The following PTPN12 variants were observed in gnomAD, a reference collection of about 807,000 sequenced individuals.
PTPN12 encodes protein tyrosine phosphatase non-receptor type 12.
PTPN12 carries 29 observed loss-of-function variants against 97.6 expected under a neutral mutation model. That is an observed-to-expected ratio of 0.30 (90% confidence interval 0.22 to 0.41). The LOEUF (loss-of-function observed/expected upper bound fraction) is 0.41. Ranked by LOEUF, PTPN12 falls within the 10% of genes least tolerant of loss-of-function variation. The probability of loss-of-function intolerance (pLI) is 1.00; values close to 1 mark genes in which losing one functional copy is unlikely to be tolerated. For missense variants in PTPN12, 819 were observed against 926.0 expected, an observed-to-expected ratio of 0.88 and a Z score of 1.50; for synonymous variants, 327 against 300.4, an observed-to-expected ratio of 1.09 and a Z score of -0.91.
chr7:77,580,987 G>A (rs890101930), intron 2 of PTPN12, among the ~76,000 whole-genome samples: 1 of 152,156 alleles, frequency 6.6e-6, no homozygotes, highest in African/African-American at 2.4e-5. Flanking sequence ...TTCCAGAGAT[G>A]ATTCTTATTG....
intron 6 of PTPN12, among the ~76,000 whole-genome samples, chr7:77,594,230 G>A (rs1481424228): frequency 3.3e-5 from 5 of 152,156 alleles, no homozygotes; most frequent in Admixed American, 6.5e-5. Flanking sequence ...GGAGGCTGAG[G>A]TGGGGAGGAT....
chr7:77,568,275 C>T (rs972291808), intron 1 of PTPN12, among the ~76,000 whole-genome samples: 2 of 152,144 alleles, frequency 1.3e-5, no homozygotes, highest in African/African-American at 4.8e-5. Context: ...GAAATGTAGT[C>T]ATTTCACATA....
At position 77,625,468 on chromosome 7, in the gene PTPN12, G is replaced by GCTCTCTCTCTCTCT. The variant is rs139289279; in HGVS notation, c.1026-1234_1026-1233insTCTCTCTCTCTCTC. ...AGGGTTTTGCCATATTGCCCAGGCTGCTCGCTCTCTCTCTCTCTCTCTCTC... is the reference window on the plus strand; with the variant it reads ...AGGGTTTTGCCATATTGCCCAGGCTGCTCTCTCTCTCTCTCTCGCTCTCTCTCTCTCTCTCTCTC... On this transcript the variant is annotated intron_variant, in intron 12 of 17. Coordinates refer to ENST00000248594, the MANE Select transcript of PTPN12 (RefSeq NM_002835.4). 2.0e-3 allele frequency among the ~76,000 whole-genome samples: 49 copies of GCTCTCTCTCTCTCT among 24,746 alleles called. 6 individuals are homozygous for GCTCTCTCTCTCTCT. Among genetic ancestry groups the GCTCTCTCTCTCTCT allele is most frequent in the African/African-American group, 0.01 (41 of 4,052 alleles). 16.2% of individuals were successfully genotyped at this position (24,746 alleles called of 152,430 possible). A position where few individuals can be genotyped will look rare whatever the true frequency, so the allele number is the denominator to read the frequency against.
chr7:77,602,477 T>C (rs1788222021), intron 8 of PTPN12, among the ~76,000 whole-genome samples: 1 of 152,044 alleles, frequency 6.6e-6, no homozygotes, highest in Non-Finnish European at 1.5e-5. Flanking sequence ...ATGTTTGCAA[T>C]AAGTGTCATG....
intron 1 of PTPN12, among the ~76,000 whole-genome samples, chr7:77,563,719 A>G (rs1356836640): frequency 2.6e-5 from 4 of 152,192 alleles, no homozygotes; most frequent in Non-Finnish European, 5.9e-5. Context: ...GAGGAGGCAT[A>G]GCCATGCATT....
At chr7:77,612,187 C>T (rs1348445269) in intron 11 of PTPN12, among the ~76,000 whole-genome samples, 1 of 152,156 alleles carries the variant, frequency 6.6e-6, no homozygotes, top group African/African-American at 2.4e-5. Flanking sequence ...TTACCAAATG[C>T]TGATCTCAGT....
intron 5 of PTPN12, among the ~76,000 whole-genome samples, chr7:77,589,572 C>T (rs1482156854): frequency 6.6e-6 from 1 of 151,852 alleles, no homozygotes; most frequent in Non-Finnish European, 1.5e-5. Context: ...CAATATATTG[C>T]AAAAGATACA....
intron 5 of PTPN12, among the ~76,000 whole-genome samples, chr7:77,589,637 C>A (rs1032900060): frequency 4.6e-5 from 7 of 151,956 alleles, no homozygotes; most frequent in African/African-American, 1.4e-4. Flanking sequence ...TCCATTACTC[C>A]CAACTATTTC....
At chr7:77,582,286 C>T (rs574143284) in intron 3 of PTPN12, among the ~76,000 whole-genome samples, 2 of 151,654 alleles carry the variant, frequency 1.3e-5, no homozygotes, top group Admixed American at 6.6e-5. Flanking sequence ...TGAGCCACTG[C>T]GCCCAGCGTC....
intron 1 of PTPN12, among the ~76,000 whole-genome samples, chr7:77,569,655 C>G (rs1233428731): frequency 6.6e-6 from 1 of 152,048 alleles, no homozygotes; most frequent in Non-Finnish European, 1.5e-5. Flanking sequence ...TCTGTAATTC[C>G]AGCTACTCAG....
intron 1 of PTPN12, 64 bp downstream of exon 1, chr7:77,537,709 G>A: frequency 6.6e-7 from 1 of 1,505,922 alleles, no homozygotes; most frequent in South Asian, 1.2e-5. Flanking sequence ...CGCCTCTCCC[G>A]GCCGGGCCGC....
chr7:77,580,130 T>G (rs1787468098), intron 2 of PTPN12, among the ~76,000 whole-genome samples: 1 of 152,174 alleles, frequency 6.6e-6, no homozygotes, highest in African/African-American at 2.4e-5. Context: ...GAATGAAACA[T>G]TCACATGATG....
rs1348733962 is a variant in PTPN12 at position 77,593,291 on chromosome 7, G to T, written c.492+1035G>T. On this transcript the variant is annotated intron_variant, in intron 6 of 17. Coordinates refer to ENST00000248594, the MANE Select transcript of PTPN12 (RefSeq NM_002835.4). ...TCTCAAAAAAAAAAAAAAAATTAATGAATTTGCCTATATTAGGGTTCTCCA... is the reference window on the plus strand; with the variant it reads ...TCTCAAAAAAAAAAAAAAAATTAATTAATTTGCCTATATTAGGGTTCTCCA... Among the ~76,000 whole-genome samples, 8 of 151,344 alleles carry T rather than the reference G, an allele frequency of 5.3e-5. No individual in the cohort carries two copies. In the East Asian group the frequency reaches 1.6e-3, roughly 29 times the overall value.
chr7:77,619,269 C>T (rs1005278478), intron 12 of PTPN12, among the ~76,000 whole-genome samples: 1 of 152,162 alleles, frequency 6.6e-6, no homozygotes, highest in Non-Finnish European at 1.5e-5. Flanking sequence ...AACTGATCGA[C>T]TTCCCATCAA....
At chr7:77,556,634 G>A (rs532800614) in intron 1 of PTPN12, among the ~76,000 whole-genome samples, 38 of 152,114 alleles carry the variant, frequency 2.5e-4, no homozygotes, top group African/African-American at 8.4e-4. Flanking sequence ...TGGATCACAA[G>A]GTCAAGAGAT....
At chr7:77,539,741 G>A (rs1351664136) in intron 1 of PTPN12, among the ~76,000 whole-genome samples, 2 of 152,120 alleles carry the variant, frequency 1.3e-5, no homozygotes, top group African/African-American at 4.8e-5. Flanking sequence ...CGATGCTCCT[G>A]CCTCAGCCTC....
intron 9 of PTPN12, among the ~76,000 whole-genome samples, chr7:77,607,953 C>T (rs940734138): frequency 2.0e-5 from 3 of 152,122 alleles, no homozygotes; most frequent in Admixed American, 2.0e-4. Flanking sequence ...CAGGGTTTCA[C>T]CATGTTGGCC....
chr7:77,539,389 G>T (rs1234583857), intron 1 of PTPN12, among the ~76,000 whole-genome samples: 2 of 151,982 alleles, frequency 1.3e-5, no homozygotes, highest in African/African-American at 4.8e-5. Context: ...TTGATATTTA[G>T]CCTATGTATT....
chr7:77,615,695 G>A (rs1186432826), intron 11 of PTPN12, among the ~76,000 whole-genome samples: 2 of 152,190 alleles, frequency 1.3e-5, no homozygotes, highest in African/African-American at 2.4e-5. Context: ...AGGCTGCAGA[G>A]GTATGATCAT....
Sources: allele counts gnomAD v4.1 joint callset (sites outside exome capture counted in the v4.1 genomes callset), GRCh38; gene constraint gnomAD v4.1.1; transcripts MANE v1.5; gene names NCBI Gene and HGNC (gene_info 2026-07-23, HGNC 2026-07-21).